PAK1: variants seen among roughly 807,000 people sequenced by gnomAD.
The protein encoded by PAK1 is p21 (RAC1) activated kinase 1, also known as serine/threonine-protein kinase PAK 1.
In PAK1, 29 loss-of-function variants were observed where a neutral mutation model predicts 67.4. The observed-to-expected ratio is 0.43, with a 90% CI of 0.32 to 0.59. The LOEUF is 0.59. Ranked by LOEUF, PAK1 falls within the 20% of genes least tolerant of loss-of-function variation. The pLI is 0.07. For missense variants in PAK1, 337 were observed against 670.7 expected, an observed-to-expected ratio of 0.50 and a Z score of 5.50; for synonymous variants, 223 against 237.4, an observed-to-expected ratio of 0.94 and a Z score of 0.56.
At chr11:77,498,674 T>A in the PAK1 span, among the ~76,000 whole-genome samples, 1 of 149,230 alleles carries the variant, frequency 6.7e-6, no homozygotes, top group Admixed American at 6.8e-5. Context: ...ATTGTATTTT[T>A]AACACCCTTG....
the PAK1 span, among the ~76,000 whole-genome samples, chr11:77,520,471 C>G: frequency 1.3e-5 from 2 of 152,098 alleles, no homozygotes; most frequent in East Asian, 1.9e-4. Context: ...AATCCTGAGG[C>G]CTTTTACCTG....
At chr11:77,445,397 T>TTGTA (rs1445813747) in intron 1 of PAK1, among the ~76,000 whole-genome samples, 4 of 152,232 alleles carry the variant, frequency 2.6e-5, no homozygotes, top group Non-Finnish European at 5.9e-5. Flanking sequence ...CTACTAAAGT[T>TTGTA]TGTACCCAGT....
At chr11:77,450,322 G>C (rs913251591) in intron 1 of PAK1, among the ~76,000 whole-genome samples, 3 of 152,064 alleles carry the variant, frequency 2.0e-5, no homozygotes, top group African/African-American at 7.3e-5. Flanking sequence ...CCCAACTCTT[G>C]TGCATTAAAG....
At chr11:77,371,697 T>G (rs1484457221) in intron 5 of PAK1, among the ~76,000 whole-genome samples, 2 of 152,210 alleles carry the variant, frequency 1.3e-5, no homozygotes, top group Non-Finnish European at 2.9e-5. Flanking sequence ...ATATCCTCCA[T>G]GTAAAACTAG....
At chr11:77,355,403 C>G (rs1945875779) in intron 7 of PAK1, among the ~76,000 whole-genome samples, 1 of 152,106 alleles carries the variant, frequency 6.6e-6, no homozygotes, top group Non-Finnish European at 1.5e-5. Context: ...TTTGTCTTCG[C>G]TATAATACAT....
chr11:77,330,511 C>T (rs954094710), intron 14 of PAK1, among the ~76,000 whole-genome samples: 4 of 152,116 alleles, frequency 2.6e-5, no homozygotes, highest in African/African-American at 9.7e-5. Flanking sequence ...CTTTGACAAA[C>T]GTGACAAAAA....
chr11:77,506,454 G>T, the PAK1 span, among the ~76,000 whole-genome samples: 1 of 152,202 alleles, frequency 6.6e-6, no homozygotes, highest in South Asian at 2.1e-4. Flanking sequence ...GAGGACATAA[G>T]GACAAGGTAA....
chr11:77,430,664 T>C (rs1955817663), intron 1 of PAK1, among the ~76,000 whole-genome samples: 2 of 152,276 alleles, frequency 1.3e-5, no homozygotes, highest in African/African-American at 4.8e-5. Context: ...TAGATCCAGT[T>C]GTGATTGCTG....
At chr11:77,421,006 T>A (rs1270998416) in intron 1 of PAK1, among the ~76,000 whole-genome samples, 1 of 152,196 alleles carries the variant, frequency 6.6e-6, no homozygotes, top group Non-Finnish European at 1.5e-5. Context: ...CCCAGGGTGA[T>A]CTATTTAAAA....
chr11:77,455,730 T>C (rs921495950), intron 1 of PAK1, among the ~76,000 whole-genome samples: 1 of 152,244 alleles, frequency 6.6e-6, no homozygotes, highest in African/African-American at 2.4e-5. Context: ...ATATTTACTA[T>C]CATATTCCCA....
the PAK1 span, among the ~76,000 whole-genome samples, chr11:77,492,358 C>G: frequency 7.1e-6 from 1 of 140,514 alleles, no homozygotes; most frequent in Non-Finnish European, 1.5e-5. Flanking sequence ...AAAACAACAA[C>G]AAAAAAAAAA....
At chr11:77,352,389 C>T (rs1945377439) in intron 8 of PAK1, among the ~76,000 whole-genome samples, 1 of 152,166 alleles carries the variant, frequency 6.6e-6, no homozygotes, top group Admixed American at 6.5e-5. Context: ...TCATGTGTCA[C>T]ATAACGACGT....
intron 1 of PAK1, among the ~76,000 whole-genome samples, chr11:77,446,531 A>G (rs796845989): frequency 1.2e-4 from 18 of 150,948 alleles, no homozygotes; most frequent in East Asian, 3.9e-4. Flanking sequence ...AAAAAAAAAA[A>G]AAAGAAAGTT....
the PAK1 span, among the ~76,000 whole-genome samples, chr11:77,507,646 C>T: frequency 5.9e-5 from 9 of 152,060 alleles, no homozygotes; most frequent in East Asian, 3.9e-4. Flanking sequence ...CTCAGCCTCC[C>T]GAGTAGCTAG....
chr11:77,454,482 C>A (rs1956996741), intron 1 of PAK1, among the ~76,000 whole-genome samples: 1 of 152,206 alleles, frequency 6.6e-6, no homozygotes, highest in South Asian at 2.1e-4. Flanking sequence ...GCTGCCTACC[C>A]AGCATCCATT....
chr11:77,461,480 G>GT (rs1367650619), intron 1 of PAK1, among the ~76,000 whole-genome samples: 1 of 152,182 alleles, frequency 6.6e-6, no homozygotes, highest in African/African-American at 2.4e-5. Context: ...TATTCTACTG[G>GT]TTCTGTTTCT....
chr11:77,459,896 C>T (rs1003472155), intron 1 of PAK1, among the ~76,000 whole-genome samples: 3 of 151,546 alleles, frequency 2.0e-5, no homozygotes, highest in African/African-American at 7.3e-5. Context: ...CGGGGTTTCA[C>T]CGTGTTAGCC....
the PAK1 span, among the ~76,000 whole-genome samples, chr11:77,488,789 T>TA: frequency 6.6e-6 from 1 of 152,150 alleles, no homozygotes; most frequent in Admixed American, 6.5e-5. Flanking sequence ...GAAGTATGAT[T>TA]AAAAAATCTA....
At chr11:77,354,392 T>C (rs1945717881) in intron 7 of PAK1, among the ~76,000 whole-genome samples, 1 of 152,114 alleles carries the variant, frequency 6.6e-6, no homozygotes, top group Non-Finnish European at 1.5e-5. Flanking sequence ...CCTCATTTGA[T>C]TTGCAAATGA....
Sources: gnomAD v4.1 joint callset for allele counts (sites outside exome capture counted in the v4.1 genomes callset) on GRCh38, gnomAD v4.1.1 for gene constraint, MANE v1.5 for transcripts, NCBI Gene and HGNC (gene_info 2026-07-23, HGNC 2026-07-21) for gene names.